Variants in ZBTB46 observed in about 807,000 individuals in gnomAD.
ZBTB46 encodes the protein zinc finger and BTB domain containing 46.
A neutral mutation model predicts 44.1 loss-of-function variants in ZBTB46; 8 were observed. That is an observed-to-expected ratio of 0.18 (90% CI 0.11 to 0.33). The LOEUF (loss-of-function observed/expected upper bound fraction) is 0.33. Ranked by LOEUF, ZBTB46 falls within the 10% of genes least tolerant of loss-of-function variation. The pLI, the probability that ZBTB46 is intolerant of heterozygous loss-of-function variation, is 1.00. For synonymous variants in ZBTB46, 409 were observed against 382.3 expected, an observed-to-expected ratio of 1.07 and a Z score of -0.81; for missense variants, 651 against 847.7, an observed-to-expected ratio of 0.77 and a Z score of 2.88.
At chr20:63,788,391 A>G (rs1015654122) in intron 2 of ZBTB46, 7 of 152,258 alleles carry the variant, frequency 4.6e-5, no homozygotes, top group Admixed American at 3.3e-4. Flanking sequence ...GCCAGTATTC[A>G]GCAAACATTT....
At chr20:63,755,820 G>A (rs900964529) in intron 3 of ZBTB46, among the ~76,000 whole-genome samples, 3 of 152,102 alleles carry the variant, frequency 2.0e-5, no homozygotes, top group Admixed American at 6.6e-5. Flanking sequence ...AGTCCATTTG[G>A]TAACAGGAAT....
intron 1 of ZBTB46, among the ~76,000 whole-genome samples, chr20:63,812,754 G>C (rs1476151795): frequency 6.6e-6 from 1 of 152,084 alleles, no homozygotes; most frequent in Non-Finnish European, 1.5e-5. Context: ...ACTCCAGCCT[G>C]GTGACAGAGC....
chr20:63,829,684 T>C (rs2092837644), intron 1 of ZBTB46, among the ~76,000 whole-genome samples: 1 of 152,246 alleles, frequency 6.6e-6, no homozygotes, highest in African/African-American at 2.4e-5. Context: ...AGAAAGGTTC[T>C]ACTCTGATAA....
At chr20:63,801,685 A>G (rs1203082221) in intron 1 of ZBTB46, among the ~76,000 whole-genome samples, 2 of 152,172 alleles carry the variant, frequency 1.3e-5, no homozygotes, top group African/African-American at 2.4e-5. Flanking sequence ...CACCAGAAGG[A>G]AGAAACTCCA....
At chr20:63,785,668 A>T (rs1328748520) in intron 2 of ZBTB46, among the ~76,000 whole-genome samples, 1 of 152,244 alleles carries the variant, frequency 6.6e-6, no homozygotes, top group East Asian at 1.9e-4. Context: ...ACTGACCTCC[A>T]TGGGATCATG....
At chr20:63,795,040 C>T (rs2180631) in intron 1 of ZBTB46, among the ~76,000 whole-genome samples, 14,845 of 152,230 alleles carry the variant, frequency 0.098, 1,215 homozygotes, top group African/African-American at 0.22. Flanking sequence ...CTGCAGGGAC[C>T]AAGGGGCACC....
At chr20:63,755,798 G>C (rs1305267992) in intron 3 of ZBTB46, among the ~76,000 whole-genome samples, 2 of 152,084 alleles carry the variant, frequency 1.3e-5, no homozygotes, top group Non-Finnish European at 2.9e-5. Context: ...ATAAACACTG[G>C]GAAGCCTTTA....
chr20:63,789,608 T>C lies in ZBTB46; in HGVS notation c.937+213A>G, dbSNP rs569029849. Among the ~76,000 whole-genome samples, 46 of 152,346 alleles carry C rather than the reference T, an allele frequency of 3.0e-4. 1 individual carries two copies. The East Asian group carries it at 8.7e-3, about 29-fold the overall frequency. ...CCAGTGCCGTGCTGATGGGGACAGA[T>C]ACACAGGGTCTCCAAGGGCCCTGGT... is the stretch of plus-strand genomic sequence containing the variant. On this transcript the variant is annotated intron_variant, in intron 2 of 4. Coordinates refer to ENST00000245663, the MANE Select transcript of ZBTB46 (RefSeq NM_001369741.1).
At chr20:63,756,867 A>C (rs141951679) in intron 3 of ZBTB46, among the ~76,000 whole-genome samples, 23 of 152,318 alleles carry the variant, frequency 1.5e-4, no homozygotes, top group Admixed American at 3.9e-4. Flanking sequence ...GTACTCCATG[A>C]CACCACTAAG....
chr20:63,812,346 A>T (rs1229973307), intron 1 of ZBTB46, among the ~76,000 whole-genome samples: 1 of 151,152 alleles, frequency 6.6e-6, no homozygotes, highest in African/African-American at 2.4e-5. Flanking sequence ...CGTCTCTACT[A>T]AAAATACAAA....
intron 4 of ZBTB46, among the ~76,000 whole-genome samples, chr20:63,750,934 A>C (rs1000060675): frequency 2.4e-4 from 36 of 152,206 alleles, no homozygotes; most frequent in Admixed American, 3.3e-4. Flanking sequence ...CCCTAACCCT[A>C]TCCAACGAGA....
At chr20:63,772,022 C>T (rs1003205539) in intron 3 of ZBTB46, among the ~76,000 whole-genome samples, 6 of 116,564 alleles carry the variant, frequency 5.1e-5, no homozygotes, top group South Asian at 2.7e-4. Context: ...TTTTTTCTGA[C>T]GAGTTTCGGT....
chr20:63,754,390 C>G (rs1463444403), intron 3 of ZBTB46, among the ~76,000 whole-genome samples: 2 of 152,304 alleles, frequency 1.3e-5, no homozygotes, highest in South Asian at 4.1e-4. Context: ...AGCAAACGCT[C>G]CACACATTCT....
At chr20:63,763,895 A>G (rs1001209677) in intron 3 of ZBTB46, among the ~76,000 whole-genome samples, 1 of 151,982 alleles carries the variant, frequency 6.6e-6, no homozygotes, top group Non-Finnish European at 1.5e-5. Flanking sequence ...CCAAATTATA[A>G]TTGTTGCTTT....
At chr20:63,826,927 G>T (rs1300995423) in intron 1 of ZBTB46, among the ~76,000 whole-genome samples, 1 of 152,136 alleles carries the variant, frequency 6.6e-6, no homozygotes. Context: ...TCCACTCTCC[G>T]GGAAGCAGGG....
intron 4 of ZBTB46, among the ~76,000 whole-genome samples, chr20:63,748,110 C>T (rs2092122592): frequency 6.6e-6 from 1 of 152,216 alleles, no homozygotes; most frequent in Non-Finnish European, 1.5e-5. Context: ...ACTCCAGGAA[C>T]GTGTAAAGGA....
In ZBTB46 at chr20:63,767,366, C is replaced by G. The variant is rs1426645572; in HGVS notation, c.1222+8312G>C. On this transcript the variant is annotated intron_variant, in intron 3 of 4. Coordinates refer to ENST00000245663, the MANE Select transcript of ZBTB46 (RefSeq NM_001369741.1). The surrounding 1 kb of genome is among the most constrained non-coding windows in gnomAD (Gnocchi z 5.0). ...GAAGCTGGAGGTCCACCCGCCCCAG[C>G]TGCCCACCGGCTGGGCATGGAGATG... is the stretch of plus-strand genomic sequence containing the variant. 6.6e-6 allele frequency among the ~76,000 whole-genome samples: 1 copy of G among 152,174 alleles called. No individual in the cohort carries two copies. The highest frequency in any genetic ancestry group is 1.5e-5 in the Non-Finnish European group (1 of 68,038).
At chr20:63,811,325 G>C (rs1353855002) in intron 1 of ZBTB46, among the ~76,000 whole-genome samples, 1 of 152,060 alleles carries the variant, frequency 6.6e-6, no homozygotes, top group Non-Finnish European at 1.5e-5. Context: ...CCATGGGGTG[G>C]GTCTCCCTGA....
chr20:63,789,076 C>CA (rs1280665379), intron 2 of ZBTB46, among the ~76,000 whole-genome samples: 1 of 150,864 alleles, frequency 6.6e-6, no homozygotes, highest in Non-Finnish European at 1.5e-5. Context: ...CTCAGCCTCT[C>CA]AAAGTGCTGG....
Sources: allele counts gnomAD v4.1 joint callset (sites outside exome capture counted in the v4.1 genomes callset), GRCh38; gene constraint gnomAD v4.1.1; non-coding constraint Gnocchi (gnomAD v3.1); transcripts MANE v1.5; gene names NCBI Gene and HGNC (gene_info 2026-07-23, HGNC 2026-07-21).